Variants in MTUS2 observed in about 807,000 individuals in gnomAD.
The protein encoded by MTUS2 is microtubule associated scaffold protein 2, also known as microtubule-associated tumor suppressor candidate 2.
In MTUS2, 40 loss-of-function variants were observed where a neutral mutation model predicts 114.1. The ratio of observed to expected loss-of-function variants is 0.35; its 90% CI spans 0.27 to 0.46. The LOEUF is 0.46. MTUS2 is among the 20% of genes least tolerant of loss of function. MTUS2 has a pLI of 1.00. For missense variants in MTUS2, 1,679 were observed against 1,705.4 expected (o/e 0.98, Z 0.27); for synonymous variants, 688 against 672.0 (o/e 1.02, Z -0.37).
At position 29,505,019 on chromosome 13, in the gene MTUS2, A is replaced by G; in HGVS notation, c.*1813A>G. On this transcript the variant is annotated 3_prime_UTR_variant, in exon 16 of 16. Coordinates refer to ENST00000612955, the MANE Select transcript of MTUS2 (RefSeq NM_001033602.4). Reference sequence around the variant, plus strand: ...CAGGTGCATCTCCAGCCAACCTCCAAGGGTCTTGCTCCTTCTGGGGACGTA... The same window carrying G: ...CAGGTGCATCTCCAGCCAACCTCCAGGGGTCTTGCTCCTTCTGGGGACGTA... 4.3e-6 allele frequency: 1 copy of G among 232,668 alleles called. No homozygotes were observed. The highest frequency in any genetic ancestry group is 6.1e-5 in the East Asian group (1 of 16,492). 14.4% of individuals were successfully genotyped at this position (232,668 alleles called of 1,614,324 possible).
intron 5 of MTUS2, among the ~76,000 whole-genome samples, chr13:29,231,613 C>T (rs1170469454): frequency 2.0e-5 from 3 of 152,208 alleles, no homozygotes; most frequent in Non-Finnish European, 4.4e-5. Context: ...ATTCAATAAA[C>T]ACTTTTAAAA....
rs547362303 is a variant in MTUS2 at position 29,345,099 on chromosome 13, T to C, written c.2906-14163T>C. 9.4e-4 allele frequency among the ~76,000 whole-genome samples: 143 copies of C among 152,312 alleles called. 1 individual carries two copies. Among genetic ancestry groups the C allele is most frequent in the Non-Finnish European group, 8.5e-4 (58 of 68,030 alleles). Reference sequence around the variant, plus strand: ...CTCACAACTTTTAAGATTCTTTCCTTTGTCTTCACCTTAGATAACCTGATG... The same window carrying C: ...CTCACAACTTTTAAGATTCTTTCCTCTGTCTTCACCTTAGATAACCTGATG... On this transcript the variant is annotated intron_variant, in intron 7 of 15. Coordinates refer to ENST00000612955, the MANE Select transcript of MTUS2 (RefSeq NM_001033602.4).
intron 8 of MTUS2, among the ~76,000 whole-genome samples, chr13:29,421,223 G>A (rs1490308180): frequency 6.6e-6 from 1 of 152,050 alleles, no homozygotes; most frequent in Non-Finnish European, 1.5e-5. Flanking sequence ...AATCTAGATG[G>A]ATTGTGTTTG....
At chr13:29,292,291 T>C (rs945416705) in intron 6 of MTUS2, among the ~76,000 whole-genome samples, 1 of 152,238 alleles carries the variant, frequency 6.6e-6, no homozygotes, top group African/African-American at 2.4e-5. Context: ...CGTCACCCCC[T>C]GTTGTCCACT....
intron 7 of MTUS2, among the ~76,000 whole-genome samples, chr13:29,338,300 T>C (rs1314741500): frequency 6.6e-6 from 1 of 152,062 alleles, no homozygotes; most frequent in East Asian, 1.9e-4. Context: ...CTAAAAAATA[T>C]TTGCAGCCAG....
chr13:29,028,934 G>A (rs375365978), intron 3 of MTUS2, among the ~76,000 whole-genome samples: 44 of 152,210 alleles, frequency 2.9e-4, no homozygotes, highest in African/African-American at 9.1e-4. Context: ...TCCAAATTTG[G>A]ACTCTAGCTT....
intron 2 of MTUS2, among the ~76,000 whole-genome samples, chr13:28,909,972 A>C (rs554555989): frequency 6.6e-6 from 1 of 152,356 alleles, no homozygotes; most frequent in Admixed American, 6.5e-5. Flanking sequence ...CATGCAGTGC[A>C]TAATAATCAC....
At chr13:29,494,522 T>C (rs2138991965) in intron 12 of MTUS2, among the ~76,000 whole-genome samples, 1 of 150,888 alleles carries the variant, frequency 6.6e-6, no homozygotes, top group Middle Eastern at 3.4e-3. Flanking sequence ...AAAGAAATGC[T>C]TTCTCTGGCA....
intron 6 of MTUS2, among the ~76,000 whole-genome samples, chr13:29,312,124 C>T (rs1476353571): frequency 6.6e-6 from 1 of 152,198 alleles, no homozygotes; most frequent in East Asian, 1.9e-4. Context: ...TCAGCTCAAA[C>T]ATAACCTTCT....
chr13:29,457,312 C>A (rs900193647), intron 9 of MTUS2, among the ~76,000 whole-genome samples: 2 of 152,008 alleles, frequency 1.3e-5, no homozygotes, highest in African/African-American at 4.8e-5. Context: ...TCCAGCCAAG[C>A]CCCCCTTCTT....
chr13:29,129,137 A>G (rs1016699210), intron 5 of MTUS2, among the ~76,000 whole-genome samples: 1 of 149,460 alleles, frequency 6.7e-6, no homozygotes, highest in Non-Finnish European at 1.5e-5. Context: ...ATTTAGTACT[A>G]TGATTACTCA....
At chr13:28,936,022 C>G (rs999699283) in intron 2 of MTUS2, among the ~76,000 whole-genome samples, 5 of 152,160 alleles carry the variant, frequency 3.3e-5, no homozygotes, top group African/African-American at 1.2e-4. Context: ...GCTGGGATTA[C>G]AGGTGTGAGC....
At chr13:29,251,628 G>A (rs1471555122) in intron 5 of MTUS2, among the ~76,000 whole-genome samples, 1 of 152,036 alleles carries the variant, frequency 6.6e-6, no homozygotes, top group African/African-American at 2.4e-5. Flanking sequence ...TCATCTCTAT[G>A]AACTGCTATT....
chr13:28,929,924 G>A (rs546909999), intron 2 of MTUS2, among the ~76,000 whole-genome samples: 2 of 152,136 alleles, frequency 1.3e-5, no homozygotes, highest in Non-Finnish European at 2.9e-5. Context: ...CTGGTGACCT[G>A]TGGAGGGGAG....
chr13:29,179,693 C>T (rs1363520509), intron 5 of MTUS2, among the ~76,000 whole-genome samples: 1 of 152,164 alleles, frequency 6.6e-6, no homozygotes, highest in Non-Finnish European at 1.5e-5. Flanking sequence ...TTTGAAAAAT[C>T]TGAAAATACA....
chr13:29,494,003 G>A (rs1321439740), intron 12 of MTUS2, among the ~76,000 whole-genome samples: 1 of 152,224 alleles, frequency 6.6e-6, no homozygotes. Context: ...ACAGGCACCT[G>A]GAGAAACAGG....
chr13:29,324,073 G>A (rs999445549), intron 6 of MTUS2, among the ~76,000 whole-genome samples: 2 of 152,172 alleles, frequency 1.3e-5, no homozygotes, highest in African/African-American at 2.4e-5. Context: ...CAAGTTCCAC[G>A]AAGGCTTAGC....
chr13:29,408,854 A>G lies in MTUS2; in HGVS notation c.3118-31129A>G, dbSNP rs111388994. The stretch of plus-strand genomic sequence containing the variant: ...GTTCATACTGAGACCTTGAATTCCA[A>G]TCCAACACCACAGGGTTTGTTCTAG... On this transcript the variant is annotated intron_variant, in intron 8 of 15. Transcript: ENST00000612955. Among the ~76,000 whole-genome samples the G allele has an allele frequency of 6.6e-3, 1,005 of 152,264 alleles. 6 individuals carry two copies. Among genetic ancestry groups the G allele is most frequent in the African/African-American group, 0.022 (913 of 41,540 alleles).
chr13:29,346,339 T>G (rs752969716), intron 7 of MTUS2, among the ~76,000 whole-genome samples: 1 of 152,098 alleles, frequency 6.6e-6, no homozygotes, highest in Non-Finnish European at 1.5e-5. Flanking sequence ...GATTTAGGCA[T>G]GTCTGGGCTC....
Sources: allele counts gnomAD v4.1 joint callset (sites outside exome capture counted in the v4.1 genomes callset), GRCh38; gene constraint gnomAD v4.1.1; transcripts MANE v1.5; gene names NCBI Gene and HGNC (gene_info 2026-07-23, HGNC 2026-07-21).